LPP: variants seen among roughly 807,000 people sequenced by gnomAD.
LPP encodes the protein lipoma-preferred partner.
In LPP, 38 loss-of-function variants were observed where a neutral mutation model predicts 60.4. That is an observed-to-expected ratio of 0.63 (90% CI 0.49 to 0.83). The LOEUF (loss-of-function observed/expected upper bound fraction) is 0.83, where lower values mean the gene tolerates loss of function less well. LPP is among the 40% of genes least tolerant of loss of function. The pLI is 0.00. For missense variants in LPP, 902 were observed against 783.6 expected (o/e 1.15, Z -1.80); for synonymous variants, 328 against 290.8 (o/e 1.13, Z -1.30).
At chr3:188,613,733 C>T (rs146701995) in intron 7 of LPP, among the ~76,000 whole-genome samples, 50 of 151,786 alleles carry the variant, frequency 3.3e-4, no homozygotes, top group African/African-American at 1.2e-3. Context: ...ATTTGGATTT[C>T]GAGTTTGGGG....
rs536813019 is a variant in LPP at position 188,855,490 on chromosome 3, G to A, written c.1411-10710G>A. Among the ~76,000 whole-genome samples the A allele has an allele frequency of 2.0e-5, 3 of 152,322 alleles. No homozygotes were observed. The East Asian group carries it at 5.8e-4, about 29-fold the overall frequency. On this transcript the variant is annotated intron_variant, in intron 9 of 11. Transcript: ENST00000617246. ...GACAGAGTCTGGCTCTGGAGAGGGG[G>A]CTGCTGAAATAGTGTGGTGATGCAG... is the stretch of plus-strand genomic sequence containing the variant.
chr3:188,260,924 A>G (rs1340313428), intron 2 of LPP, among the ~76,000 whole-genome samples: 2 of 151,898 alleles, frequency 1.3e-5, no homozygotes, highest in Non-Finnish European at 2.9e-5. Context: ...AGTCCCAGCT[A>G]CTCAGGAGGC....
chr3:188,403,363 T>A (rs1325434808), intron 3 of LPP, among the ~76,000 whole-genome samples: 1 of 152,252 alleles, frequency 6.6e-6, no homozygotes, highest in Non-Finnish European at 1.5e-5. Context: ...AAGAAAATAC[T>A]GCATCCTATA....
chr3:188,240,779 T>C (rs1724272231), intron 2 of LPP, among the ~76,000 whole-genome samples: 1 of 152,208 alleles, frequency 6.6e-6, no homozygotes, highest in African/African-American at 2.4e-5. Context: ...GAGCTCCAAA[T>C]GCAGGGCTGC....
intron 3 of LPP, among the ~76,000 whole-genome samples, chr3:188,383,139 T>G (rs1363482760): frequency 6.6e-6 from 1 of 152,234 alleles, no homozygotes; most frequent in African/African-American, 2.4e-5. Context: ...TTTAAAGTTT[T>G]TTGGATGAAA....
chr3:188,373,847 C>T (rs976975813), intron 3 of LPP, among the ~76,000 whole-genome samples: 4 of 151,518 alleles, frequency 2.6e-5, no homozygotes, highest in African/African-American at 7.3e-5. Context: ...TTAGGTCTAA[C>T]GTTTAAGTCT....
intron 10 of LPP, among the ~76,000 whole-genome samples, chr3:188,867,532 T>G (rs1766985478): frequency 6.6e-6 from 1 of 151,992 alleles, no homozygotes; most frequent in Non-Finnish European, 1.5e-5. Flanking sequence ...TTAGTAGAGA[T>G]GGGGTTTCGC....
At chr3:188,383,646 C>T (rs548562142) in intron 3 of LPP, among the ~76,000 whole-genome samples, 6 of 152,238 alleles carry the variant, frequency 3.9e-5, no homozygotes, top group Non-Finnish European at 7.4e-5. Context: ...CTGAACCTCT[C>T]CTTACTTTTC....
intron 7 of LPP, among the ~76,000 whole-genome samples, chr3:188,658,236 C>T (rs531287604): frequency 2.6e-5 from 4 of 151,912 alleles, no homozygotes; most frequent in Non-Finnish European, 4.4e-5. Context: ...CTCTGCCTCC[C>T]AGGTTCAAGC....
At chr3:188,154,051 G>C (rs1715250185), upstream of LPP, 1 of 157,400 alleles carries the variant, frequency 6.4e-6, no homozygotes, top group Non-Finnish European at 1.4e-5. Flanking sequence ...CCCGGGGCGC[G>C]GGGCGTGGGG....
intron 5 of LPP, among the ~76,000 whole-genome samples, chr3:188,487,748 C>G (rs1807009035): frequency 3.9e-5 from 6 of 152,212 alleles, no homozygotes; most frequent in Admixed American, 3.9e-4. Context: ...AGCATGATCA[C>G]TGGAGAAAAT....
chr3:188,579,070 T>C (rs1366628494), intron 6 of LPP, among the ~76,000 whole-genome samples: 1 of 152,164 alleles, frequency 6.6e-6, no homozygotes, highest in Admixed American at 6.6e-5. Flanking sequence ...AATAAACTTA[T>C]GATAATTCAC....
intron 1 of LPP, among the ~76,000 whole-genome samples, chr3:188,171,807 G>T (rs537546424): frequency 1.3e-5 from 2 of 152,310 alleles, no homozygotes; most frequent in South Asian, 4.1e-4. Flanking sequence ...GAGTATCTAG[G>T]AAAACTGGTC....
chr3:188,715,649 T>C (rs1246407410), intron 8 of LPP, among the ~76,000 whole-genome samples: 1 of 152,192 alleles, frequency 6.6e-6, no homozygotes, highest in African/African-American at 2.4e-5. Context: ...TTGAGATATC[T>C]CTTTGAAATT....
chr3:188,397,658 G>A (rs1218382869), intron 3 of LPP, among the ~76,000 whole-genome samples: 4 of 151,324 alleles, frequency 2.6e-5, no homozygotes, highest in African/African-American at 9.7e-5. Flanking sequence ...CTGTCTCCCA[G>A]GCTGGAGTGC....
intron 2 of LPP, among the ~76,000 whole-genome samples, chr3:188,233,712 C>G (rs891872181): frequency 6.6e-6 from 1 of 152,110 alleles, no homozygotes; most frequent in African/African-American, 2.4e-5. Context: ...GAGATATATT[C>G]TTTACTTTTC....
chr3:188,678,048 T>C (rs1264089713), intron 7 of LPP, among the ~76,000 whole-genome samples: 1 of 152,192 alleles, frequency 6.6e-6, no homozygotes, highest in African/African-American at 2.4e-5. Flanking sequence ...AGCTTTTCTT[T>C]ATTCACCCAG....
At chr3:188,165,352 A>G (rs1577066655) in intron 1 of LPP, among the ~76,000 whole-genome samples, 1 of 151,940 alleles carries the variant, frequency 6.6e-6, no homozygotes, top group African/African-American at 2.4e-5. Flanking sequence ...AGATAAAGAG[A>G]TTGTCATTTG....
chr3:188,739,433 A>G lies in LPP; in HGVS notation c.1241-20680A>G, dbSNP rs1440687323. 1.3e-5 allele frequency among the ~76,000 whole-genome samples: 2 copies of G among 152,096 alleles called. 1 individual carries two copies. The highest frequency in any genetic ancestry group is 4.8e-5 in the African/African-American group (2 of 41,434). ...TCCAGAATGCAGAAATAACTCAAGC[A>G]AAGGCATAGAGATTGGAAAACATGG... On this transcript the variant is annotated intron_variant, in intron 8 of 11. Coordinates refer to ENST00000617246, the MANE Select transcript of LPP (RefSeq NM_001375462.1).
Sources: allele counts gnomAD v4.1 joint callset (sites outside exome capture counted in the v4.1 genomes callset), GRCh38; gene constraint gnomAD v4.1.1; transcripts MANE v1.5; gene names NCBI Gene and HGNC (gene_info 2026-07-23, HGNC 2026-07-21).